TNC: variants seen among roughly 807,000 people sequenced by gnomAD.
The protein encoded by TNC is tenascin.
In TNC, 109 loss-of-function variants were observed where a neutral mutation model predicts 202.4. The observed-to-expected ratio is 0.54, with a 90% CI of 0.46 to 0.63. TNC has a LOEUF of 0.63. TNC is among the 30% of genes least tolerant of loss of function. TNC has a pLI of 0.00. For synonymous variants in TNC, 1,007 were observed against 1,089.7 expected (o/e 0.92, Z 1.50); for missense variants, 2,756 against 2,833.3 (o/e 0.97, Z 0.62).
At chr9:115,097,694 TGAG>T (rs1835902436) in intron 1 of TNC, among the ~76,000 whole-genome samples, 1 of 152,068 alleles carries the variant, frequency 6.6e-6, no homozygotes, top group African/African-American at 2.4e-5. Flanking sequence ...GCATGGGTGG[TGAG>T]GAGAATTAAG....
chr9:115,048,185 C>A, intron 16 of TNC, 75 bp downstream of exon 16: 2 of 1,539,594 alleles, frequency 1.3e-6, no homozygotes, highest in South Asian at 2.5e-5. Context: ...ATGTTAAAGT[C>A]ATGGCGATCC....
intron 24 of TNC, 85 bp from the exon 25 acceptor site, chr9:115,029,541 T>G: frequency 7.5e-7 from 1 of 1,327,180 alleles, no homozygotes; most frequent in Middle Eastern, 1.9e-4. Flanking sequence ...TGTGGCACTG[T>G]GGAGAGAGCA....
At chr9:115,041,302 G>C (rs1443603512) in intron 18 of TNC, among the ~76,000 whole-genome samples, 14 of 54,828 alleles carry the variant, frequency 2.6e-4, no homozygotes, top group African/African-American at 5.9e-4. Flanking sequence ...AACAAAGCCA[G>C]GAGGGGCGGG....
chr9:115,066,028 A>C (rs1832925808), intron 10 of TNC, among the ~76,000 whole-genome samples: 1 of 152,078 alleles, frequency 6.6e-6, no homozygotes, highest in Non-Finnish European at 1.5e-5. Flanking sequence ...TACATAGATC[A>C]TATTAGTAAA....
chr9:115,091,067 G>C lies in TNC; in HGVS notation c.-49C>G, dbSNP rs937997000. On this transcript the variant is annotated 5_prime_UTR_variant, in exon 2 of 28. Transcript: ENST00000350763. ...GCTGCTGGGGCTCTAGGGCTCTAGG[G>C]TATCTCACTTTCAGCAGAATTGGGG... The C allele has an allele frequency of 2.0e-6, 3 of 1,486,952 alleles. No homozygotes were observed. The East Asian group carries it at 6.9e-5, about 34-fold the overall frequency. 92.1% of individuals were successfully genotyped at this position (1,486,952 alleles called of 1,614,324 possible).
chr9:115,072,125 C>T (rs1235860829), intron 10 of TNC, among the ~76,000 whole-genome samples: 1 of 152,206 alleles, frequency 6.6e-6, no homozygotes, highest in Non-Finnish European at 1.5e-5. Context: ...TCCCTGCCTC[C>T]CTTACAGCTA....
chr9:115,098,732 C>T (rs1835981627), intron 1 of TNC, among the ~76,000 whole-genome samples: 1 of 152,082 alleles, frequency 6.6e-6, no homozygotes, highest in Non-Finnish European at 1.5e-5. Context: ...TTTTGGCAAC[C>T]CATGAGGCAG....
At chr9:115,099,061 A>G (rs1325747488) in intron 1 of TNC, among the ~76,000 whole-genome samples, 7 of 151,496 alleles carry the variant, frequency 4.6e-5, no homozygotes, top group Non-Finnish European at 8.8e-5. Context: ...TCCTAACCCT[A>G]GGTGTTTGAA....
chr9:115,077,753 G>C (rs956688041), intron 7 of TNC, among the ~76,000 whole-genome samples, 190 bp downstream of exon 7: 3 of 152,086 alleles, frequency 2.0e-5, no homozygotes, highest in African/African-American at 7.2e-5. Context: ...TGCTTTGGAA[G>C]GTTATTTGGA....
At chr9:115,095,255 A>G (rs1192487520) in intron 1 of TNC, among the ~76,000 whole-genome samples, 12 of 152,010 alleles carry the variant, frequency 7.9e-5, no homozygotes, top group Non-Finnish European at 1.6e-4. Context: ...AGAGCTTAAT[A>G]AAAGGAAACA....
chr9:115,082,613 G>C, intron 5 of TNC, 79 bp downstream of exon 5: 2 of 979,316 alleles, frequency 2.0e-6, no homozygotes, highest in Non-Finnish European at 3.2e-6. Flanking sequence ...AAAATTAGTT[G>C]ATACAGAAGT....
chr9:115,089,689 G>T (rs759004606), intron 2 of TNC, among the ~76,000 whole-genome samples: 4 of 152,102 alleles, frequency 2.6e-5, no homozygotes, highest in Non-Finnish European at 4.4e-5. Context: ...TAGTAGAGAT[G>T]GGGTTTCACC....
intron 14 of TNC, among the ~76,000 whole-genome samples, chr9:115,059,260 T>A (rs1252504847): frequency 6.6e-6 from 1 of 152,174 alleles, no homozygotes; most frequent in East Asian, 1.9e-4. Context: ...ATTTCTTACA[T>A]GCAAGAACCA....
rs1554718088 is a variant in TNC, at chr9:115,087,527, G to GGGGTGTGT, written c.458-255_458-254insACACACCC. On this transcript the variant is annotated intron_variant, in intron 2 of 27. Coordinates refer to ENST00000350763, the MANE Select transcript of TNC (RefSeq NM_002160.4). ...AAAACAGTGTGTGATTATGCATAGGGGTGTGTGTGTGTGTGTGTGTGTGTG... is the reference window on the plus strand; with the variant it reads ...AAAACAGTGTGTGATTATGCATAGGGGGGTGTGTGTGTGTGTGTGTGTGTGTGTGTGTG... 9.4e-5 allele frequency among the ~76,000 whole-genome samples: 14 copies of GGGGTGTGT among 148,842 alleles called. No homozygotes were observed. In the East Asian group the frequency reaches 2.7e-3, roughly 28 times the overall value.
Position 115,057,213 on chromosome 9 carries a change from A to T in TNC, c.4519T>A (p.Tyr1507Asn). 3 of 1,614,164 alleles carry T rather than the reference A, an allele frequency of 1.9e-6. No individual in the cohort carries two copies. The highest frequency in any genetic ancestry group is 2.5e-6 in the Non-Finnish European group (3 of 1,180,010). ...GLPPSTDFIVYLSGLAPSIRT... is the reference protein window; with the variant it reads ...GLPPSTDFIVNLSGLAPSIRT... ...ATGCTGGGAGCAAGTCCAGAGAGGTAGACAATAAAATCAGTACTAGGGGGT... is the reference window on the plus strand; with the variant it reads ...ATGCTGGGAGCAAGTCCAGAGAGGTTGACAATAAAATCAGTACTAGGGGGT... Residue 1507 changes from tyrosine to asparagine, a missense_variant, in exon 15 of 28, where the codon TAC (tyrosine) becomes AAC (asparagine). By Grantham distance (143) the Tyr-to-Asn change is moderately radical. This residue lies in a region of TNC where 2,559 missense variants were observed against 2,546.0 expected (regional missense o/e 1.01). Coordinates refer to ENST00000350763, the MANE Select transcript of TNC (RefSeq NM_002160.4).
intron 1 of TNC, among the ~76,000 whole-genome samples, chr9:115,113,900 G>T (rs1404568866): frequency 1.3e-5 from 2 of 152,192 alleles, no homozygotes; most frequent in Non-Finnish European, 2.9e-5. Context: ...AAGTGGAAGA[G>T]AAGCTGGAAA....
chr9:115,093,946 T>C (rs1835423778), intron 1 of TNC, among the ~76,000 whole-genome samples: 1 of 152,156 alleles, frequency 6.6e-6, no homozygotes, highest in African/African-American at 2.4e-5. Context: ...TTTTTGTACT[T>C]TGGGAAAAAT....
chr9:115,041,326 T>G (rs1830740664), intron 18 of TNC, among the ~76,000 whole-genome samples: 1 of 142,620 alleles, frequency 7.0e-6, no homozygotes. Context: ...AAACATGAAG[T>G]CACAACGTAC....
At chr9:115,030,161 C>A (rs1031186574) in intron 24 of TNC, 93 bp downstream of exon 24, 3 of 1,307,140 alleles carry the variant, frequency 2.3e-6, no homozygotes, top group Admixed American at 4.2e-5. Context: ...TGTCAGAGTG[C>A]ATCAGGAGGA....
Sources: gnomAD v4.1 joint callset for allele counts (sites outside exome capture counted in the v4.1 genomes callset) on GRCh38, gnomAD v4.1.1 for gene constraint, gnomAD v4.1.1 regional missense constraint, MANE v1.5 for transcripts, NCBI Gene and HGNC (gene_info 2026-07-23, HGNC 2026-07-21) for gene names.